Variants in SDHAF3 observed in about 807,000 individuals in gnomAD.
SDHAF3 encodes the protein succinate dehydrogenase complex assembly factor 3, also known as succinate dehydrogenase assembly factor 3, mitochondrial.
A neutral mutation model predicts 11.5 loss-of-function variants in SDHAF3; 18 were observed. The observed-to-expected ratio is 1.56, with a 90% CI of 1.08 to 2.32. The LOEUF is 2.32. Ranked by LOEUF, SDHAF3 falls within the 30% of genes most tolerant of loss-of-function variation. SDHAF3 has a pLI of 0.00. For synonymous variants in SDHAF3, 72 were observed against 59.3 expected, an observed-to-expected ratio of 1.21 and a Z score of -0.99; for missense variants, 200 against 154.4, an observed-to-expected ratio of 1.30 and a Z score of -1.57.
chr7:97,136,169 A>G (rs1381396756), intron 1 of SDHAF3, among the ~76,000 whole-genome samples: 1 of 152,150 alleles, frequency 6.6e-6, no homozygotes, highest in Non-Finnish European at 1.5e-5. Context: ...GAAGCTTGAT[A>G]CTCTTATAAC....
chr7:97,147,521 C>G (rs1789154388), intron 1 of SDHAF3, among the ~76,000 whole-genome samples: 1 of 152,114 alleles, frequency 6.6e-6, no homozygotes, highest in Non-Finnish European at 1.5e-5. Context: ...TTGTAGGGTA[C>G]TTAGGTTGAT....
intron 1 of SDHAF3, among the ~76,000 whole-genome samples, chr7:97,147,871 AT>A (rs1431323326): frequency 6.6e-6 from 1 of 152,148 alleles, no homozygotes; most frequent in Non-Finnish European, 1.5e-5. Flanking sequence ...ACTGTAAAAA[AT>A]AATTTTATCT....
intron 1 of SDHAF3, among the ~76,000 whole-genome samples, chr7:97,125,028 T>G (rs998332095): frequency 6.6e-6 from 1 of 152,208 alleles, no homozygotes; most frequent in African/African-American, 2.4e-5. Context: ...CAATACTACG[T>G]TGAATAGGAG....
At chr7:97,170,509 C>T (rs1789589014) in intron 1 of SDHAF3, among the ~76,000 whole-genome samples, 1 of 152,096 alleles carries the variant, frequency 6.6e-6, no homozygotes, top group African/African-American at 2.4e-5. Context: ...GTGCTGACTT[C>T]TCATTTCTGA....
chr7:97,151,589 C>G (rs1242248043), intron 1 of SDHAF3, among the ~76,000 whole-genome samples: 1 of 151,762 alleles, frequency 6.6e-6, no homozygotes, highest in Non-Finnish European at 1.5e-5. Flanking sequence ...AGCTCTGCCC[C>G]CCGGGTTCCT....
At chr7:97,147,178 G>A (rs185470227) in intron 1 of SDHAF3, among the ~76,000 whole-genome samples, 43 of 152,156 alleles carry the variant, frequency 2.8e-4, no homozygotes, top group African/African-American at 1.0e-3. Context: ...CAAAATCATA[G>A]GCCTTTTCAA....
intron 1 of SDHAF3, among the ~76,000 whole-genome samples, chr7:97,130,611 T>C (rs887519178): frequency 6.6e-6 from 1 of 152,220 alleles, no homozygotes; most frequent in African/African-American, 2.4e-5. Flanking sequence ...CAATGCTTCC[T>C]GTCACGTGTG....
At chr7:97,119,475 A>G (rs1791458519) in intron 1 of SDHAF3, among the ~76,000 whole-genome samples, 1 of 152,210 alleles carries the variant, frequency 6.6e-6, no homozygotes, top group South Asian at 2.1e-4. Context: ...AAAACTTGGA[A>G]TAATTTTAGA....
intron 1 of SDHAF3, among the ~76,000 whole-genome samples, chr7:97,142,045 T>G (rs959146270): frequency 3.1e-4 from 29 of 92,178 alleles, no homozygotes; most frequent in Non-Finnish European, 5.2e-4. Flanking sequence ...TTGTTGTCTT[T>G]TTTTTTTTTT....
intron 1 of SDHAF3, among the ~76,000 whole-genome samples, chr7:97,176,716 T>G (rs1789684823): frequency 6.6e-6 from 1 of 152,138 alleles, no homozygotes. Flanking sequence ...CATTGATCAT[T>G]TCTCACACAT....
At chr7:97,145,293 A>T (rs965079552) in intron 1 of SDHAF3, among the ~76,000 whole-genome samples, 1 of 152,170 alleles carries the variant, frequency 6.6e-6, no homozygotes, top group African/African-American at 2.4e-5. Context: ...TAACTAAATG[A>T]AAACTAAATT....
At chr7:97,180,817 T>G (rs1007642587) in intron 1 of SDHAF3, among the ~76,000 whole-genome samples, 195 bp from the exon 2 acceptor site, 16 of 152,176 alleles carry the variant, frequency 1.1e-4, no homozygotes, top group African/African-American at 3.4e-4. Flanking sequence ...TTAAAACACT[T>G]AAAGTGCTAA....
intron 1 of SDHAF3, among the ~76,000 whole-genome samples, chr7:97,131,881 A>G (rs937184606): frequency 6.6e-6 from 1 of 152,210 alleles, no homozygotes; most frequent in Non-Finnish European, 1.5e-5. Flanking sequence ...GTAGATATCC[A>G]ATGATAGAAT....
chr7:97,125,131 CTTT>C (rs1791556258), intron 1 of SDHAF3, among the ~76,000 whole-genome samples: 1 of 151,716 alleles, frequency 6.6e-6, no homozygotes, highest in Non-Finnish European at 1.5e-5. Flanking sequence ...CTCTTTTCTT[CTTT>C]ATTAGTCTGG....
At position 97,181,113 on chromosome 7, in the gene SDHAF3, C is replaced by T. The variant is rs1244704248; in HGVS notation, c.276C>T (p.Asp92=). Reference sequence around the variant, plus strand: ...TCCTCCCAGAAGAAAAACTTAATGACTTTCGTGATGAACAAATTGGACAGT... The same window carrying T: ...TCCTCCCAGAAGAAAAACTTAATGATTTTCGTGATGAACAAATTGGACAGT... ...GTFLPEEKLN[D]FRDEQIGQLQ... The change falls in exon 2 of 2, where the codon GAC becomes GAT. Residue 92 remains aspartate (D), a synonymous_variant. Transcript: ENST00000432641. The T allele has an allele frequency of 1.2e-6, 2 of 1,613,890 alleles. No homozygotes were observed. The highest frequency in any genetic ancestry group is 1.7e-5 in the Admixed American group (1 of 59,994).
chr7:97,139,847 G>A (rs1201471078), intron 1 of SDHAF3, among the ~76,000 whole-genome samples: 2 of 152,134 alleles, frequency 1.3e-5, no homozygotes, highest in African/African-American at 4.8e-5. Flanking sequence ...TTCTTTTACG[G>A]TATCAGAACT....
At chr7:97,161,482 G>A (rs186964625) in intron 1 of SDHAF3, among the ~76,000 whole-genome samples, 6 of 152,218 alleles carry the variant, frequency 3.9e-5, no homozygotes, top group South Asian at 2.1e-4. Context: ...TGTGCAGAAT[G>A]TGCAGTTTTG....
chr7:97,151,592 G>A (rs1030480688), intron 1 of SDHAF3, among the ~76,000 whole-genome samples: 7 of 150,222 alleles, frequency 4.7e-5, no homozygotes, highest in African/African-American at 1.2e-4. Flanking sequence ...TCTGCCCCCC[G>A]GGTTCCTGCC....
At chr7:97,142,912 T>G (rs1789075339) in intron 1 of SDHAF3, 1 of 149,166 alleles carries the variant, frequency 6.7e-6, no homozygotes, top group East Asian at 2.0e-4. Context: ...TTTTTTTTTT[T>G]TTTAGACAGA....
Sources: gnomAD v4.1 joint callset for allele counts (sites outside exome capture counted in the v4.1 genomes callset) on GRCh38, gnomAD v4.1.1 for gene constraint, MANE v1.5 for transcripts, NCBI Gene and HGNC (gene_info 2026-07-23, HGNC 2026-07-21) for gene names.